Variants in KMT5B observed in about 807,000 individuals in gnomAD.
KMT5B encodes the protein lysine methyltransferase 5B, also known as histone-lysine N-methyltransferase KMT5B.
A neutral mutation model predicts 83.2 loss-of-function variants in KMT5B; 10 were observed. The ratio of observed to expected loss-of-function variants is 0.12; its 90% CI spans 0.07 to 0.20. The LOEUF (loss-of-function observed/expected upper bound fraction) is 0.20. Among genes scored for constraint, KMT5B ranks in the 10% least tolerant of loss-of-function variants. KMT5B has a pLI of 1.00. For missense variants in KMT5B, 753 were observed against 1,067.2 expected, an observed-to-expected ratio of 0.71 and a Z score of 4.10; for synonymous variants, 349 against 388.8, an observed-to-expected ratio of 0.90 and a Z score of 1.20.
chr11:68,179,408 T>C, intron 4 of KMT5B: 1 of 1,261,278 alleles, frequency 7.9e-7, no homozygotes, highest in Non-Finnish European at 1.0e-6. Flanking sequence ...AAAAATGTCA[T>C]TTACAATTGA....
At chr11:68,195,895 G>A (rs1484111265) in intron 1 of KMT5B, among the ~76,000 whole-genome samples, 2 of 152,216 alleles carry the variant, frequency 1.3e-5, no homozygotes, top group Non-Finnish European at 2.9e-5. Context: ...GGTGGCTCAT[G>A]CCTGTAATCC....
In KMT5B at chr11:68,158,704, G is replaced by C. The variant is rs1565213856; in HGVS notation, c.1642C>G (p.Leu548Val). The C allele has an allele frequency of 3.1e-6, 5 of 1,614,120 alleles. No individual in the cohort carries two copies. The highest frequency in any genetic ancestry group is 4.2e-6 in the Non-Finnish European group (5 of 1,180,028). ...AGCTTGATGTCAGAGGCCTCCTTCA[G>C]ATTTGTTCTTGTCCTCACTGACCGC... The part of the protein sequence containing the change: ...TRRSVRTRTN[L>V]KEASDIKLEP... The change falls in exon 11 of 11, where the codon CTG becomes GTG. Residue 548 changes from leucine to valine, a missense_variant. Physicochemically the swap from Leu to Val is conservative, Grantham distance 32 (BLOSUM62 1). Around this residue, in one of 9 missense-constraint regions of KMT5B, gnomAD observed 397 missense variants for 395.9 expected, o/e 1.00. Coordinates refer to ENST00000304363, the MANE Select transcript of KMT5B (RefSeq NM_017635.5).
chr11:68,209,508 G>C (rs1476283690), intron 1 of KMT5B, among the ~76,000 whole-genome samples: 1 of 152,188 alleles, frequency 6.6e-6, no homozygotes, highest in Non-Finnish European at 1.5e-5. Flanking sequence ...GAAGCAAGCC[G>C]AGTGCCATTA....
At chr11:68,183,355 T>C (rs888474790) in intron 3 of KMT5B, among the ~76,000 whole-genome samples, 4 of 151,988 alleles carry the variant, frequency 2.6e-5, no homozygotes, top group East Asian at 1.9e-4. Flanking sequence ...CTTAAAATAA[T>C]GCAAATTAGT....
At chr11:68,199,287 C>T (rs182519004) in intron 1 of KMT5B, among the ~76,000 whole-genome samples, 5 of 152,158 alleles carry the variant, frequency 3.3e-5, no homozygotes, top group Admixed American at 2.6e-4. Flanking sequence ...GAATGAATGT[C>T]GGCACCTTTT....
chr11:68,156,119 T>A lies in KMT5B; in HGVS notation c.*1569A>T, dbSNP rs1859279895. On this transcript the variant is annotated 3_prime_UTR_variant, in exon 11 of 11. Coordinates refer to ENST00000304363, the MANE Select transcript of KMT5B (RefSeq NM_017635.5). ...TTTCTCCACTGGACTTTTCATGACCTTCAGATTCCTTTTCATATTTCAAGA... is the reference window on the plus strand; with the variant it reads ...TTTCTCCACTGGACTTTTCATGACCATCAGATTCCTTTTCATATTTCAAGA... The A allele has an allele frequency of 6.6e-6, 1 of 152,222 alleles. No homozygotes were observed. Among genetic ancestry groups the A allele is most frequent in the South Asian group, 2.1e-4 (1 of 4,830 alleles). The allele number at this position is 152,222 out of a possible 1,614,324, so 9.4% of individuals were successfully genotyped here.
intron 4 of KMT5B, among the ~76,000 whole-genome samples, chr11:68,175,578 TCTAG>T (rs1856283199): frequency 6.6e-6 from 1 of 152,168 alleles, no homozygotes; most frequent in Non-Finnish European, 1.5e-5. Context: ...AAATCAAAGC[TCTAG>T]AATACAGCAC....
chr11:68,163,927 G>A (rs1280358401), intron 10 of KMT5B, among the ~76,000 whole-genome samples: 2 of 152,164 alleles, frequency 1.3e-5, no homozygotes, highest in Non-Finnish European at 2.9e-5. Flanking sequence ...CCCTCTGGCC[G>A]ATTCTTCTGG....
intron 1 of KMT5B, among the ~76,000 whole-genome samples, chr11:68,199,599 C>A (rs1290861919): frequency 6.6e-6 from 1 of 152,158 alleles, no homozygotes; most frequent in Non-Finnish European, 1.5e-5. Flanking sequence ...GTGACACGAT[C>A]CAACCCACAG....
In KMT5B at chr11:68,182,970, A is replaced by C. The variant is rs559788676; in HGVS notation, c.309-2770T>G. On this transcript the variant is annotated intron_variant, in intron 3 of 10. Coordinates refer to ENST00000304363, the MANE Select transcript of KMT5B (RefSeq NM_017635.5). ...AGGCTGGTCTTGAACTCCCGACCTC[A>C]GGTGATCCGCCCACCTCAGCCTCCC... is the stretch of plus-strand genomic sequence containing the variant. 4.6e-5 allele frequency among the ~76,000 whole-genome samples: 7 copies of C among 150,860 alleles called. No homozygotes were observed. The East Asian group carries it at 1.4e-3, about 30-fold the overall frequency.
At position 68,213,196 on chromosome 11, in the gene KMT5B, G is replaced by A. The variant is rs1861200684; in HGVS notation, c.-135C>T. On this transcript the variant is annotated 5_prime_UTR_variant, in exon 1 of 11. Transcript: ENST00000304363. ...TCCCAGGCCCCGCTGCCCGGCCGCT[G>A]CGATGCGGGGCCGCGCCGCCGGGCC... The A allele has an allele frequency of 7.3e-6, 1 of 136,194 alleles. No individual in the cohort carries two copies. The highest frequency in any genetic ancestry group is 2.7e-5 in the African/African-American group (1 of 37,294). The allele number at this position is 136,194 out of a possible 1,614,324, so 8.4% of individuals were successfully genotyped here.
At chr11:68,207,803 A>C (rs1289599421) in intron 1 of KMT5B, among the ~76,000 whole-genome samples, 17 of 149,206 alleles carry the variant, frequency 1.1e-4, no homozygotes, top group South Asian at 2.1e-4. Flanking sequence ...AAAAAAAAAA[A>C]AAACAAACCA....
chr11:68,159,671 C>A (rs757401787), intron 10 of KMT5B, among the ~76,000 whole-genome samples: 1 of 152,184 alleles, frequency 6.6e-6, no homozygotes. Context: ...CTCTAAGGAA[C>A]AAATTCTATC....
At chr11:68,197,039 C>T (rs919156469) in intron 1 of KMT5B, among the ~76,000 whole-genome samples, 1 of 151,568 alleles carries the variant, frequency 6.6e-6, no homozygotes, top group Non-Finnish European at 1.5e-5. Flanking sequence ...GGCCCAAACT[C>T]GGCTCACTAC....
At chr11:68,203,070 G>A (rs1352655649) in intron 1 of KMT5B, among the ~76,000 whole-genome samples, 1 of 151,904 alleles carries the variant, frequency 6.6e-6, no homozygotes, top group Non-Finnish European at 1.5e-5. Context: ...CCGCCTCCTG[G>A]GTTCCAGGGA....
At chr11:68,200,600 G>T (rs1215346915) in intron 1 of KMT5B, among the ~76,000 whole-genome samples, 1 of 152,222 alleles carries the variant, frequency 6.6e-6, no homozygotes, top group Non-Finnish European at 1.5e-5. Context: ...ACAAATGTAA[G>T]TTAAAATTAT....
In KMT5B at chr11:68,157,326, T is replaced by C. The variant is rs1859371822; in HGVS notation, c.*362A>G. On this transcript the variant is annotated 3_prime_UTR_variant, in exon 11 of 11. Transcript: ENST00000304363. ...TTTGTTTTAAATTATTGTTTAGTCA[T>C]ATATTAAAGAGCCAGCTGATGCTCT... 1 of 168,662 alleles carries C rather than the reference T, an allele frequency of 5.9e-6. No individual in the cohort carries two copies. The highest frequency in any genetic ancestry group is 2.4e-5 in the African/African-American group (1 of 42,142). The allele number at this position is 168,662 out of a possible 1,614,324, so 10.4% of individuals were successfully genotyped here.
chr11:68,183,794 G>C (rs563113740), intron 3 of KMT5B, among the ~76,000 whole-genome samples: 3 of 151,026 alleles, frequency 2.0e-5, no homozygotes, highest in Middle Eastern at 6.8e-3. Context: ...TGAGTAGCCA[G>C]GACTACAGGT....
rs1040814263 is a variant in KMT5B, at chr11:68,157,016, G to A, written c.*672C>T. On this transcript the variant is annotated 3_prime_UTR_variant, in exon 11 of 11. Transcript: ENST00000304363. ...AATTTACATGACAAGCAATAAATAC[G>A]CTGTATCGAACCTCATCCCACACAC... 4.0e-5 allele frequency: 6 copies of A among 151,644 alleles called. No homozygotes were observed. Among genetic ancestry groups the A allele is most frequent in the Non-Finnish European group, 8.8e-5 (6 of 67,988 alleles). 9.4% of individuals were successfully genotyped at this position (151,644 alleles called of 1,614,324 possible). A position where few individuals can be genotyped will look rare whatever the true frequency, so the allele number is the denominator to read the frequency against.
Sources: gnomAD v4.1 joint callset for allele counts (sites outside exome capture counted in the v4.1 genomes callset) on GRCh38, gnomAD v4.1.1 for gene constraint, gnomAD v4.1.1 regional missense constraint, MANE v1.5 for transcripts, NCBI Gene and HGNC (gene_info 2026-07-23, HGNC 2026-07-21) for gene names.